The following TTN variants were observed in gnomAD, a reference collection of about 807,000 sequenced individuals.
TTN encodes titin, also known as connectin.
TTN carries 1,525 observed loss-of-function variants against 3,223.0 expected under a neutral mutation model. That is an observed-to-expected ratio of 0.47 (90% CI 0.45 to 0.49). The LOEUF (loss-of-function observed/expected upper bound fraction) is 0.49, where lower values mean the gene tolerates loss of function less well. Among genes scored for constraint, TTN ranks in the 20% least tolerant of loss-of-function variants. TTN has a pLI of 0.00. For missense variants in TTN, 40,786 were observed against 43,424.0 expected (o/e 0.94, Z 5.40); for synonymous variants, 14,094 against 15,161.0 (o/e 0.93, Z 5.17).
intron 341 of TTN, 28 bp from the exon 342 acceptor site, chr2:178,546,530 G>A (rs751626974): frequency 1.3e-6 from 2 of 1,598,668 alleles, no homozygotes; most frequent in South Asian, 2.2e-5. Context: ...AGATATGAAT[G>A]AATATCTGAG....
chr2:178,741,716 C>T lies in TTN; in HGVS notation c.11517G>A (p.Leu3839=). 1 of 1,613,722 alleles carries T rather than the reference C, an allele frequency of 6.2e-7. No individual in the cohort carries two copies. Among genetic ancestry groups the T allele is most frequent in the Non-Finnish European group, 8.5e-7 (1 of 1,179,734 alleles). Residue 3839 remains leucine (L), a synonymous_variant, in exon 48 of 363, where the codon CTG becomes CTA. Coordinates refer to ENST00000589042, the MANE Select transcript of TTN (RefSeq NM_001267550.2). ...ADISMGDVAT[L]SVTVIGIPKP... ...TGGGGATGCCAATGACAGTTACAGA[C>T]AGTGTAGCCACATCCCCCATGCTTA...
At chr2:178,606,096 T>C (rs2054729288) in intron 278 of TTN, among the ~76,000 whole-genome samples, 1 of 152,004 alleles carries the variant, frequency 6.6e-6, no homozygotes, top group Non-Finnish European at 1.5e-5. Flanking sequence ...TATTAACAGA[T>C]AGTGGATATG....
At chr2:178,676,147 T>C (rs2068038823) in intron 147 of TTN, 152 bp from the exon 148 acceptor site, 1 of 650,040 alleles carries the variant, frequency 1.5e-6, no homozygotes, top group Non-Finnish European at 2.6e-6. Context: ...ATAATGTAAT[T>C]GGGATTTGTA....
In TTN at chr2:178,592,930, G is replaced by A. The variant is rs1471424037; in HGVS notation, c.59189C>T (p.Ala19730Val). 1.9e-6 allele frequency: 3 copies of A among 1,613,262 alleles called. No individual in the cohort carries two copies. The highest frequency in any genetic ancestry group is 2.2e-5 in the East Asian group (1 of 44,822). ...AGGACATGACTCAGGGGTGTGATTGGCTCTTCTCCACTCTTCATCTCCAAC... is the reference window on the plus strand; with the variant it reads ...AGGACATGACTCAGGGGTGTGATTGACTCTTCTCCACTCTTCATCTCCAAC... Reference protein sequence around the residue: ...QKVGDEEWRRANHTPESCPET... With the variant: ...QKVGDEEWRRVNHTPESCPET... Residue 19730 changes from alanine (A) to valine (V), a missense_variant, in exon 300 of 363, where the codon GCC becomes GTC. Ala to Val is a moderately conservative substitution (Grantham distance 64). Transcript: ENST00000589042.
At position 178,534,662 on chromosome 2, in the gene TTN, C is replaced by A. The variant is rs534613934; in HGVS notation, c.101953G>T (p.Glu33985Ter). 6.2e-7 allele frequency: 1 copy of A among 1,613,628 alleles called. No individual in the cohort carries two copies. The highest frequency in any genetic ancestry group is 1.7e-5 in the Admixed American group (1 of 59,982). ...LFTAPEYYAP[E>*]VHQHDVVSTA... ...CTGACAACATCATGCTGGTGGACTT[C>A]AGGTGCATAGTATTCTGGGGCAGTG... Residue 33985 changes from glutamate (E) to a stop codon, truncating the protein, a stop_gained, in exon 358 of 363, where the codon GAA becomes TAA. Coordinates refer to ENST00000589042, the MANE Select transcript of TTN (RefSeq NM_001267550.2). LOFTEE classifies it high-confidence loss of function.
chr2:178,678,310 G>C, intron 144 of TTN, 102 bp from the exon 145 acceptor site: 1 of 1,509,530 alleles, frequency 6.6e-7, no homozygotes, highest in East Asian at 2.4e-5. Flanking sequence ...TTTCTAACCA[G>C]ATAGACACTT....
intron 121 of TTN, among the ~76,000 whole-genome samples, chr2:178,690,605 A>C (rs1328595224): frequency 1.3e-5 from 2 of 152,092 alleles, no homozygotes; most frequent in African/African-American, 2.4e-5. Context: ...GATAATGTTG[A>C]CTTTTTAATT....
chr2:178,569,778 A>G lies in TTN; in HGVS notation c.76354T>C (p.Trp25452Arg). Reference protein sequence around the residue: ...VEKCDVSVGEWTMCTPPTGIN... With the variant: ...VEKCDVSVGERTMCTPPTGIN... ...CCTGTTGGTGGAGTGCACATTGTCC[A>G]TTCACCAACACTCACATCACATTTT... is the stretch of plus-strand genomic sequence containing the variant. The change falls in exon 326 of 363, where the codon TGG becomes CGG. Residue 25452 changes from tryptophan (W) to arginine (R), a missense_variant. Coordinates refer to ENST00000589042, the MANE Select transcript of TTN (RefSeq NM_001267550.2). 5 of 1,613,292 alleles carry G rather than the reference A, an allele frequency of 3.1e-6. No homozygotes were observed. Among genetic ancestry groups the G allele is most frequent in the South Asian group, 1.1e-5 (1 of 91,058 alleles).
chr2:178,690,422 G>A (rs182096349), intron 121 of TTN, among the ~76,000 whole-genome samples: 1 of 152,144 alleles, frequency 6.6e-6, no homozygotes, highest in Non-Finnish European at 1.5e-5. Flanking sequence ...ACACTCTAGA[G>A]TAGGTCTCTC....
In TTN at chr2:178,729,971, G is replaced by A. The variant is rs746170967; in HGVS notation, c.18308-26C>T. 8 of 1,602,568 alleles carry A rather than the reference G, an allele frequency of 5.0e-6. No homozygotes were observed. In the African/African-American group the frequency reaches 6.7e-5, roughly 13 times the overall value. On this transcript the variant is annotated intron_variant, in intron 62 of 362. Transcript: ENST00000589042. Reference sequence around the variant, plus strand: ...CTAAAGATGGAAAAAGAATTGTGATGTTGAATATTTTTAAAAACAGGTCAC... The same window carrying A: ...CTAAAGATGGAAAAAGAATTGTGATATTGAATATTTTTAAAAACAGGTCAC...
chr2:178,619,843 C>T lies in TTN; in HGVS notation c.46474G>A (p.Ala15492Thr), dbSNP rs1370664332. 1.2e-6 allele frequency: 2 copies of T among 1,611,918 alleles called. No individual in the cohort carries two copies. Among genetic ancestry groups the T allele is most frequent in the Non-Finnish European group, 1.7e-6 (2 of 1,178,848 alleles). Residue 15492 changes from alanine (A) to threonine (T), a missense_variant, in exon 250 of 363, where the codon GCC (alanine) becomes ACC (threonine). By Grantham distance (58) the Ala-to-Thr change is moderately conservative (BLOSUM62 0). Coordinates refer to ENST00000589042, the MANE Select transcript of TTN (RefSeq NM_001267550.2). ...AAAAAGACAACATCAGCACCAGGGG[C>T]TTCAAGAATATCTTGTGGAGGCCTG... ...IIRPPQDILE[A>T]PGADVVFLAE...
Position 178,563,190 on chromosome 2 carries a change from C to G in TTN, c.82942G>C (p.Ala27648Pro). Residue 27648 changes from alanine (A) to proline (P), a missense_variant, in exon 326 of 363, where the codon GCC becomes CCC. Transcript: ENST00000589042. The surrounding 1 kb of genome is among the most constrained non-coding windows in gnomAD (Gnocchi z 4.5). ...TCACCTACACCTTCAGAATTGATGG[C>G]ACAAATACGGAAGTTATATTCAGTG... ...ENTEYNFRICAINSEGVGEPA... is the reference protein window; with the variant it reads ...ENTEYNFRICPINSEGVGEPA... 6.2e-7 allele frequency: 1 copy of G among 1,613,722 alleles called. No individual in the cohort carries two copies. The highest frequency in any genetic ancestry group is 1.1e-5 in the South Asian group (1 of 91,082).
chr2:178,576,569 G>C lies in TTN; in HGVS notation c.69675C>G (p.Pro23225=). ...TCAGAACAGAATCTGAAGCCTCACT[G>C]GGTGGACCAATTCCTGCTCTGTTTT... ...SAENRAGIGP[P]SEASDSVLMK... is the part of the protein sequence containing the mutation. The change falls in exon 325 of 363, where the codon CCC becomes CCG. Residue 23225 remains proline (P), a synonymous_variant. Transcript: ENST00000589042. The surrounding 1 kb of genome is among the most constrained non-coding windows in gnomAD (Gnocchi z 4.3). 6.2e-7 allele frequency: 1 copy of C among 1,613,542 alleles called. No individual in the cohort carries two copies. Among genetic ancestry groups the C allele is most frequent in the African/African-American group, 1.3e-5 (1 of 75,006 alleles).
At chr2:178,690,022 T>A (rs530292283) in intron 121 of TTN, 126 bp from the exon 122 acceptor site, 2 of 721,692 alleles carry the variant, frequency 2.8e-6, no homozygotes, top group African/African-American at 3.5e-5. Flanking sequence ...ATCAGCAAAA[T>A]TATCCAGAAA....
At chr2:178,679,844 C>T in intron 140 of TTN, 50 bp downstream of exon 140, 1 of 1,603,428 alleles carries the variant, frequency 6.2e-7, no homozygotes, top group Non-Finnish European at 8.5e-7. Context: ...ATCAGACCCC[C>T]AAACTCCAAA....
rs1238583004 is a variant in TTN at position 178,552,890 on chromosome 2, A to C, written c.90010T>G (p.Phe30004Val). 1 of 1,613,850 alleles carries C rather than the reference A, an allele frequency of 6.2e-7. No homozygotes were observed. The highest frequency in any genetic ancestry group is 2.2e-5 in the East Asian group (1 of 44,834). Residue 30004 changes from phenylalanine (F) to valine (V), a missense_variant, in exon 335 of 363, where the codon TTC becomes GTC. Transcript: ENST00000589042. The stretch of plus-strand genomic sequence containing the variant: ...TCATTTTCTGCAAGAACTCTGAAGA[A>C]GAATGGAGTCTTCTCCGACAAATCT... The part of the protein sequence containing the change: ...LIDLSEKTPF[F>V]FRVLAENEIG...
chr2:178,718,559 C>G lies in TTN; in HGVS notation c.24547G>C (p.Glu8183Gln), dbSNP rs201365398. 5.5e-5 allele frequency: 88 copies of G among 1,613,456 alleles called. No homozygotes were observed. Among genetic ancestry groups the G allele is most frequent in the Admixed American group, 1.7e-5 (1 of 60,006 alleles). ...FVKRLADFSVETGSPIVLEAT... is the reference protein window; with the variant it reads ...FVKRLADFSVQTGSPIVLEAT... ...TCGAGAACTATGGGGCTTCCTGTCT[C>G]AACACTGAAATCAGCCAATCTTTTC... The change falls in exon 85 of 363, where the codon GAG (glutamate) becomes CAG (glutamine). Residue 8183 changes from glutamate to glutamine, a missense_variant. By Grantham distance (29) the Glu-to-Gln change is conservative (BLOSUM62 2). Coordinates refer to ENST00000589042, the MANE Select transcript of TTN (RefSeq NM_001267550.2).
rs368762020 is a variant in TTN, at chr2:178,724,470, A to T, written c.20905T>A (p.Cys6969Ser). The T allele has an allele frequency of 3.7e-6, 6 of 1,612,734 alleles. No homozygotes were observed. In the African/African-American group the frequency reaches 8.0e-5, roughly 22 times the overall value. The change falls in exon 72 of 363, where the codon TGT becomes AGT. Residue 6969 changes from cysteine to serine, a missense_variant. Coordinates refer to ENST00000589042, the MANE Select transcript of TTN (RefSeq NM_001267550.2). ...VTVGETCTLE[C>S]KVAGTPELSV... is the part of the protein sequence containing the mutation. ...AGTTCCGGAGTGCCAGCCACCTTAC[A>T]CTCCAGAGTGCACGTTTCTCCTACA...
At chr2:178,675,139 C>A (rs1352254259) in intron 149 of TTN, 26 bp from the exon 150 acceptor site, 1 of 1,470,876 alleles carries the variant, frequency 6.8e-7, no homozygotes, top group South Asian at 1.3e-5. Flanking sequence ...TTATTTTAGA[C>A]ACTTAAAATG....
Sources: gnomAD v4.1 joint callset for allele counts (sites outside exome capture counted in the v4.1 genomes callset) on GRCh38, gnomAD v4.1.1 for gene constraint, Gnocchi (gnomAD v3.1) non-coding constraint, MANE v1.5 for transcripts, NCBI Gene and HGNC (gene_info 2026-07-23, HGNC 2026-07-21) for gene names.